ASH1L: variants seen among roughly 807,000 people sequenced by gnomAD.
ASH1L encodes the protein histone-lysine N-methyltransferase ASH1L.
ASH1L carries 23 observed loss-of-function variants against 269.0 expected under a neutral mutation model. The ratio of observed to expected loss-of-function variants is 0.09; its 90% confidence interval spans 0.06 to 0.12. The LOEUF (loss-of-function observed/expected upper bound fraction) is 0.12, where lower values mean the gene tolerates loss of function less well. Ranked by LOEUF, ASH1L falls within the 10% of genes least tolerant of loss-of-function variation. The probability of loss-of-function intolerance (pLI) is 1.00; values close to 1 mark genes in which losing one functional copy is unlikely to be tolerated. For synonymous variants in ASH1L, 1,187 were observed against 1,253.5 expected, an observed-to-expected ratio of 0.95 and a Z score of 1.12; for missense variants, 2,912 against 3,567.8, an observed-to-expected ratio of 0.82 and a Z score of 4.68.
intron 1 of ASH1L, among the ~76,000 whole-genome samples, chr1:155,528,791 A>G (rs1475752787): frequency 6.6e-6 from 1 of 152,116 alleles, no homozygotes; most frequent in Non-Finnish European, 1.5e-5. Context: ...GGTTTATTTC[A>G]TCACCCAGGT....
chr1:155,445,620 G>A (rs1206813991), intron 4 of ASH1L, among the ~76,000 whole-genome samples: 2 of 152,028 alleles, frequency 1.3e-5, no homozygotes, highest in African/African-American at 2.4e-5. Context: ...GAGCCACCAC[G>A]GCTGGCCTCT....
At chr1:155,531,581 CAT>C (rs1669679376) in intron 1 of ASH1L, among the ~76,000 whole-genome samples, 1 of 152,048 alleles carries the variant, frequency 6.6e-6, no homozygotes, top group South Asian at 2.1e-4. Context: ...CCAAGTGACA[CAT>C]ATTATTACAT....
intron 2 of ASH1L, among the ~76,000 whole-genome samples, chr1:155,483,832 G>C (rs1314867612): frequency 2.6e-5 from 4 of 152,018 alleles, no homozygotes; most frequent in African/African-American, 9.7e-5. Context: ...AAAGTAGGAG[G>C]AGTAGGAAGA....
chr1:155,380,177 T>TGCTTATA (rs1656811423), intron 7 of ASH1L, 61 bp from the exon 8 acceptor site: 1 of 1,275,344 alleles, frequency 7.8e-7, no homozygotes, highest in African/African-American at 1.5e-5. Flanking sequence ...TACAAAGGTG[T>TGCTTATA]CAAACAGCTA....
intron 1 of ASH1L, among the ~76,000 whole-genome samples, chr1:155,543,478 C>G (rs1670576907): frequency 6.9e-6 from 1 of 144,616 alleles, no homozygotes; most frequent in Non-Finnish European, 1.5e-5. Context: ...CCACTGCACT[C>G]CAGCCTGCAT....
At chr1:155,401,306 T>TG (rs1658827859) in intron 6 of ASH1L, among the ~76,000 whole-genome samples, 1 of 150,482 alleles carries the variant, frequency 6.6e-6, no homozygotes, top group Non-Finnish European at 1.5e-5. Flanking sequence ...GTGAAATCCC[T>TG]TCTCTACTAA....
chr1:155,524,521 C>CA (rs749990170), intron 1 of ASH1L, among the ~76,000 whole-genome samples: 788 of 57,180 alleles, frequency 0.014, 5 homozygotes, highest in East Asian at 0.056. Flanking sequence ...GACTCCGTCT[C>CA]AAAAAAAAAA....
chr1:155,398,541 C>CTATACTATACTATAT (rs1251678105), intron 6 of ASH1L, among the ~76,000 whole-genome samples: 1 of 152,086 alleles, frequency 6.6e-6, no homozygotes, highest in Non-Finnish European at 1.5e-5. Context: ...GTATAGAGTA[C>CTATACTATACTATAT]TTACCATGAA....
intron 7 of ASH1L, among the ~76,000 whole-genome samples, chr1:155,387,278 T>C (rs753329559): frequency 2.8e-4 from 42 of 152,290 alleles, no homozygotes; most frequent in Non-Finnish European, 5.3e-4. Flanking sequence ...CTGGCCTACA[T>C]TGAAGTTTTT....
chr1:155,432,543 A>G (rs1661687413), intron 5 of ASH1L, among the ~76,000 whole-genome samples: 1 of 152,160 alleles, frequency 6.6e-6, no homozygotes, highest in South Asian at 2.1e-4. Flanking sequence ...GAACAAGTTG[A>G]AAAACTGTTG....
chr1:155,537,079 C>T (rs1670109955), intron 1 of ASH1L, among the ~76,000 whole-genome samples: 1 of 150,930 alleles, frequency 6.6e-6, no homozygotes, highest in Non-Finnish European at 1.5e-5. Context: ...AGAAATTCAA[C>T]ACAGAAAGGC....
intron 5 of ASH1L, chr1:155,434,161 C>A: frequency 8.8e-6 from 14 of 1,593,918 alleles, no homozygotes; most frequent in Non-Finnish European, 1.1e-5. Flanking sequence ...GCTATGGGAG[C>A]CCTCACTTCA....
intron 5 of ASH1L, chr1:155,434,352 A>G: frequency 6.5e-7 from 1 of 1,528,036 alleles, no homozygotes; most frequent in Admixed American, 2.0e-5. Context: ...TTTGGAATTA[A>G]GTTCTTCATT....
At chr1:155,357,534 C>A in intron 14 of ASH1L, 51 bp downstream of exon 14, 1 of 1,609,290 alleles carries the variant, frequency 6.2e-7, no homozygotes, top group Non-Finnish European at 8.5e-7. Flanking sequence ...GCAATTGCCT[C>A]AAAGCATCTC....
At chr1:155,358,602 G>A (rs922954194) in intron 13 of ASH1L, 2 of 151,630 alleles carry the variant, frequency 1.3e-5, no homozygotes, top group East Asian at 3.9e-4. Context: ...GCAGGAGAAT[G>A]GCGTGAACCT....
intron 1 of ASH1L, among the ~76,000 whole-genome samples, chr1:155,550,961 A>C (rs1285602928): frequency 6.6e-6 from 1 of 151,940 alleles, no homozygotes; most frequent in Non-Finnish European, 1.5e-5. Flanking sequence ...AGCTGGGACT[A>C]CAGGTATGTG....
intron 1 of ASH1L, among the ~76,000 whole-genome samples, chr1:155,532,841 A>T (rs924125577): frequency 6.8e-6 from 1 of 147,246 alleles, no homozygotes; most frequent in East Asian, 2.0e-4. Flanking sequence ...AAAAAAAATT[A>T]TATATATATA....
chr1:155,523,746 C>G (rs1054122626), intron 1 of ASH1L, among the ~76,000 whole-genome samples: 1 of 152,092 alleles, frequency 6.6e-6, no homozygotes, highest in African/African-American at 2.4e-5. Flanking sequence ...TGGCAGGTGC[C>G]TGTAATTCCA....
chr1:155,449,583 G>A (rs533325453), intron 4 of ASH1L, among the ~76,000 whole-genome samples: 7 of 149,310 alleles, frequency 4.7e-5, no homozygotes, highest in South Asian at 2.2e-4. Context: ...GCAGTGGCAC[G>A]ATCTCGGCTC....
Sources: gnomAD v4.1 joint callset for allele counts (sites outside exome capture counted in the v4.1 genomes callset) on GRCh38, gnomAD v4.1.1 for gene constraint, MANE v1.5 for transcripts, NCBI Gene and HGNC (gene_info 2026-07-23, HGNC 2026-07-21) for gene names.